Variants in STK3 observed in about 807,000 individuals in gnomAD.
STK3 encodes serine/threonine kinase 3.
In STK3, 41 loss-of-function variants were observed where a neutral mutation model predicts 58.0. That is an observed-to-expected ratio of 0.71 (90% CI 0.55 to 0.92). The LOEUF is 0.92. STK3 is among the 40% of genes least tolerant of loss of function. The pLI, the probability that STK3 is intolerant of heterozygous loss-of-function variation, is 0.00. For missense variants in STK3, 479 were observed against 602.7 expected (o/e 0.79, Z 2.15); for synonymous variants, 170 against 191.0 (o/e 0.89, Z 0.91).
chr8:98,649,136 G>A (rs992422414), intron 6 of STK3, among the ~76,000 whole-genome samples: 1 of 150,700 alleles, frequency 6.6e-6, no homozygotes, highest in Non-Finnish European at 1.5e-5. Flanking sequence ...TGTGTCATTA[G>A]TCTATTGGGA....
At position 98,597,665 on chromosome 8, in the gene STK3, A is replaced by AT. The variant is rs1369492297; in HGVS notation, c.685-1497dup. On this transcript the variant is annotated intron_variant, in intron 6 of 10. Coordinates refer to ENST00000419617, the MANE Select transcript of STK3 (RefSeq NM_006281.4). ...TAATTAGACTAATTTAAACTAGGAC[A>AT]TATGTTCTTCCTTTTGCGTGAGCTC... 5 of 985,398 alleles carry AT rather than the reference A, an allele frequency of 5.1e-6. No homozygotes were observed. In the African/African-American group the frequency reaches 8.7e-5, roughly 17 times the overall value. The allele number at this position is 985,398 out of a possible 1,614,324, so 61.0% of individuals were successfully genotyped here.
upstream of STK3, among the ~76,000 whole-genome samples, chr8:98,828,945 A>G (rs2131776692): frequency 6.6e-6 from 1 of 152,330 alleles, no homozygotes; most frequent in Admixed American, 6.5e-5. Context: ...ATAAATCGTA[A>G]GGGCACTGGG....
chr8:98,720,746 G>A (rs1005433544), intron 4 of STK3, among the ~76,000 whole-genome samples: 10 of 111,862 alleles, frequency 8.9e-5, no homozygotes, highest in East Asian at 5.4e-4. Context: ...GCGAGACTCC[G>A]TCTCAAAAAA....
chr8:98,729,562 C>T (rs1387104333), intron 4 of STK3, among the ~76,000 whole-genome samples: 1 of 152,202 alleles, frequency 6.6e-6, no homozygotes, highest in African/African-American at 2.4e-5. Flanking sequence ...TTCTATAGTT[C>T]TCTGCATTCT....
At position 98,896,214 on chromosome 8, in the gene STK3, A is replaced by C. The variant is rs532432365; in HGVS notation, c.-78-12380T>G. On this transcript the variant is annotated intron_variant, in intron 1 of 1. Coordinates refer to the STK3 transcript ENST00000519420. ...AACACCCCTCTCAGATCCAATCTAC[A>C]AACTAGTACCCTATTAATCTTCCTA... Among the ~76,000 whole-genome samples the C allele has an allele frequency of 5.9e-5, 9 of 152,336 alleles. No individual in the cohort carries two copies. In the South Asian group the frequency reaches 1.9e-3, roughly 32 times the overall value.
intron 6 of STK3, among the ~76,000 whole-genome samples, chr8:98,636,645 T>C (rs1046116070): frequency 1.5e-4 from 23 of 152,184 alleles, no homozygotes; most frequent in Non-Finnish European, 3.1e-4. Flanking sequence ...GTACTGGCAG[T>C]GTCCTATTAC....
intron 6 of STK3, among the ~76,000 whole-genome samples, chr8:98,645,088 G>A (rs1410744603): frequency 6.6e-6 from 1 of 152,176 alleles, no homozygotes; most frequent in Non-Finnish European, 1.5e-5. Context: ...AACCCTTGGT[G>A]TACCAAAGAT....
chr8:98,653,888 T>C (rs971607556), intron 6 of STK3, among the ~76,000 whole-genome samples: 2 of 152,062 alleles, frequency 1.3e-5, no homozygotes, highest in African/African-American at 4.8e-5. Flanking sequence ...ATTCACAGCC[T>C]AATTCTACCA....
At chr8:98,879,838 T>C (rs905187401), downstream of STK3, 1 of 152,224 alleles carries the variant, frequency 6.6e-6, no homozygotes, top group Non-Finnish European at 1.5e-5. Flanking sequence ...TAATATATCA[T>C]TTTATAACAT....
At chr8:98,423,464 T>A (rs1008375545) in intron 3 of STK3, among the ~76,000 whole-genome samples, 1 of 151,740 alleles carries the variant, frequency 6.6e-6, no homozygotes, top group Admixed American at 6.5e-5. Context: ...GTGGGCAGAG[T>A]GTATCATAGG....
chr8:98,485,897 G>C (rs936244900), intron 10 of STK3, among the ~76,000 whole-genome samples: 1 of 152,186 alleles, frequency 6.6e-6, no homozygotes, highest in Non-Finnish European at 1.5e-5. Flanking sequence ...TGAATGACAT[G>C]ATCAGAATAA....
chr8:98,645,825 G>GATAGAT (rs1820357820), intron 6 of STK3, among the ~76,000 whole-genome samples: 1 of 151,842 alleles, frequency 6.6e-6, no homozygotes, highest in Non-Finnish European at 1.5e-5. Flanking sequence ...TACAGATATA[G>GATAGAT]ATAGATATAG....
At chr8:98,503,408 C>A (rs1586724928) in intron 10 of STK3, among the ~76,000 whole-genome samples, 2 of 152,132 alleles carry the variant, frequency 1.3e-5, no homozygotes, top group South Asian at 4.1e-4. Flanking sequence ...TCCTTCAGTT[C>A]TGCTCTCATC....
intron 10 of STK3, among the ~76,000 whole-genome samples, chr8:98,493,429 C>T (rs1041228137): frequency 2.6e-5 from 4 of 152,178 alleles, no homozygotes; most frequent in Non-Finnish European, 5.9e-5. Flanking sequence ...GCGTCACCAT[C>T]TCATGGAGGC....
intron 4 of STK3, among the ~76,000 whole-genome samples, chr8:98,745,155 T>G (rs1829556676): frequency 6.6e-6 from 1 of 152,164 alleles, no homozygotes; most frequent in South Asian, 2.1e-4. Flanking sequence ...AAGTCTGAGG[T>G]GTAACCAGCT....
chr8:98,559,101 G>A (rs922022553), intron 8 of STK3, among the ~76,000 whole-genome samples: 7 of 152,064 alleles, frequency 4.6e-5, no homozygotes, highest in Non-Finnish European at 8.8e-5. Flanking sequence ...TACTTCATGT[G>A]CAAGTATACA....
intron 3 of STK3, among the ~76,000 whole-genome samples, chr8:98,836,733 T>G (rs1372589868): frequency 1.1e-4 from 17 of 152,142 alleles, no homozygotes; most frequent in Admixed American, 1.1e-3. Flanking sequence ...CTCAGAAAAA[T>G]GATTTAGATA....
chr8:98,479,312 C>T (rs1821636189), intron 10 of STK3, among the ~76,000 whole-genome samples: 1 of 151,978 alleles, frequency 6.6e-6, no homozygotes, highest in Non-Finnish European at 1.5e-5. Context: ...CATGGTGAAA[C>T]CCTGTCTCTA....
intron 1 of STK3, among the ~76,000 whole-genome samples, chr8:98,893,468 A>AAG (rs1329716577): frequency 4.1e-4 from 40 of 97,872 alleles, no homozygotes; most frequent in Middle Eastern, 4.7e-3. Flanking sequence ...GAAAGAAAGA[A>AAG]AGAAAGAAAG....
Sources: gnomAD v4.1 joint callset for allele counts (sites outside exome capture counted in the v4.1 genomes callset) on GRCh38, gnomAD v4.1.1 for gene constraint, MANE v1.5 for transcripts, NCBI Gene and HGNC (gene_info 2026-07-23, HGNC 2026-07-21) for gene names.